Variants in DRD3 observed in about 807,000 individuals in gnomAD.
DRD3 encodes dopamine receptor D3, also known as D(3) dopamine receptor.
Under a neutral mutation model 36.3 loss-of-function variants are expected in DRD3, and 19 were observed. That is an observed-to-expected ratio of 0.52 (90% CI 0.36 to 0.77). The LOEUF is 0.77. DRD3 is among the 30% of genes least tolerant of loss of function. The probability of loss-of-function intolerance (pLI) is 0.00; values close to 1 mark genes in which losing one functional copy is unlikely to be tolerated. For synonymous variants in DRD3, 195 were observed against 203.7 expected (o/e 0.96, Z 0.36); for missense variants, 465 against 505.3 (o/e 0.92, Z 0.77).
chr3:114,159,310 A>G (rs72944682), intron 3 of DRD3, among the ~76,000 whole-genome samples: 5,302 of 151,058 alleles, frequency 0.035, 306 homozygotes, highest in African/African-American at 0.12. Context: ...AATTATCCCT[A>G]CACCTGCCCC....
chr3:114,133,381 T>A (rs1226268337), intron 5 of DRD3, among the ~76,000 whole-genome samples: 1 of 152,194 alleles, frequency 6.6e-6, no homozygotes, highest in Non-Finnish European at 1.5e-5. Context: ...CCAGTGGGGA[T>A]GTGTGAACGT....
chr3:114,138,168 C>CAAAA (rs35536800), intron 5 of DRD3, among the ~76,000 whole-genome samples: 11 of 74,102 alleles, frequency 1.5e-4, no homozygotes, highest in African/African-American at 5.7e-4. Context: ...GACTCTGTCT[C>CAAAA]AAAAAAAAAA....
At chr3:114,196,245 G>C (rs1207538828) in intron 1 of DRD3, among the ~76,000 whole-genome samples, 1 of 152,098 alleles carries the variant, frequency 6.6e-6, no homozygotes, top group East Asian at 1.9e-4. Flanking sequence ...AAATAAAGCA[G>C]CTATGAACAT....
chr3:114,167,311 G>T (rs2077795163), intron 2 of DRD3, among the ~76,000 whole-genome samples: 1 of 152,158 alleles, frequency 6.6e-6, no homozygotes, highest in East Asian at 1.9e-4. Flanking sequence ...ATCACAAAAG[G>T]TGCTTCACTG....
chr3:114,175,074 T>C (rs547807078), intron 1 of DRD3, among the ~76,000 whole-genome samples: 1 of 152,226 alleles, frequency 6.6e-6, no homozygotes, highest in African/African-American at 2.4e-5. Flanking sequence ...GTCCTGTGCA[T>C]TGTGGGGGGT....
In DRD3 at chr3:114,171,967, C is replaced by G; in HGVS notation, c.26G>C (p.Gly9Ala). ...TGCCCCACAGGTGTAGTTCAGGTGG[C>G]CACTCAGCTGGCTCAGAGATGCCAT... MASLSQLSGHLNYTCGAEN... is the reference protein window; with the variant it reads MASLSQLSAHLNYTCGAEN... Residue 9 changes from glycine to alanine, a missense_variant, in exon 2 of 7, where the codon GGC becomes GCC. By Grantham distance (60) the Gly-to-Ala change is moderately conservative. Transcript: ENST00000383673. 6.6e-7 allele frequency: 1 copy of G among 1,522,252 alleles called. No individual in the cohort carries two copies. The highest frequency in any genetic ancestry group is 2.0e-5 in the Admixed American group (1 of 48,886). 94.3% of individuals were successfully genotyped at this position (1,522,252 alleles called of 1,614,324 possible).
At chr3:114,151,843 C>A (rs1370188847) in intron 3 of DRD3, among the ~76,000 whole-genome samples, 1 of 152,222 alleles carries the variant, frequency 6.6e-6, no homozygotes, top group Non-Finnish European at 1.5e-5. Context: ...TCTCTGAGTT[C>A]TTGTGGGGGA....
At chr3:114,137,015 C>T (rs1439095114) in intron 5 of DRD3, among the ~76,000 whole-genome samples, 5 of 152,228 alleles carry the variant, frequency 3.3e-5, no homozygotes, top group Non-Finnish European at 1.5e-5. Context: ...GTCATTGGCT[C>T]CAGTCACTAA....
rs1327210769 is a variant in DRD3 at position 114,128,273 on chromosome 3, A to G, written c.*443T>C. ...TGACCAAGAGGAATGGGCCCGTAAA[A>G]GTACAAGGTTAGCCTGACAGTTAAT... is the stretch of plus-strand genomic sequence containing the variant. On this transcript the variant is annotated 3_prime_UTR_variant, in exon 7 of 7. Transcript: ENST00000383673. Among the ~76,000 whole-genome samples, 1 of 152,232 alleles carries G rather than the reference A, an allele frequency of 6.6e-6. No individual in the cohort carries two copies. The highest frequency in any genetic ancestry group is 2.4e-5 in the African/African-American group (1 of 41,464).
At chr3:114,145,560 G>A (rs982695581) in intron 4 of DRD3, among the ~76,000 whole-genome samples, 2 of 152,140 alleles carry the variant, frequency 1.3e-5, no homozygotes, top group Admixed American at 1.3e-4. Flanking sequence ...TTGAGTAGGC[G>A]GTACGTGCTT....
intron 3 of DRD3, among the ~76,000 whole-genome samples, chr3:114,156,749 TTCTTTCTTTCTTTCTTTC>T (rs2077674751): frequency 2.0e-5 from 2 of 100,062 alleles, no homozygotes; most frequent in Non-Finnish European, 4.1e-5. Context: ...TTCTTTTTCT[TTCTTTCTTTCTTTCTTTC>T]TTTCTTTCTT....
chr3:114,163,814 C>A (rs781637301), intron 2 of DRD3, among the ~76,000 whole-genome samples: 3 of 151,748 alleles, frequency 2.0e-5, no homozygotes, highest in African/African-American at 7.3e-5. Flanking sequence ...ACTGAGGGCC[C>A]GGGAGATAAG....
intron 1 of DRD3, among the ~76,000 whole-genome samples, chr3:114,184,315 A>G (rs2077963422): frequency 1.3e-5 from 2 of 152,200 alleles, no homozygotes; most frequent in African/African-American, 2.4e-5. Context: ...GTGTAACACC[A>G]AACATAAACT....
chr3:114,193,173 G>A (rs1429052673), intron 1 of DRD3, among the ~76,000 whole-genome samples: 1 of 152,140 alleles, frequency 6.6e-6, no homozygotes, highest in African/African-American at 2.4e-5. Context: ...CAGCTACTTG[G>A]GAGGCTGAGG....
At chr3:114,176,609 TA>T (rs1021371007) in intron 1 of DRD3, among the ~76,000 whole-genome samples, 3 of 150,556 alleles carry the variant, frequency 2.0e-5, no homozygotes, top group Non-Finnish European at 4.4e-5. Context: ...TGTCTCAAAG[TA>T]AAAAAAAACC....
intron 1 of DRD3, 51 bp from the exon 2 acceptor site, chr3:114,172,078 G>T (rs1432393031): frequency 7.7e-7 from 1 of 1,301,786 alleles, no homozygotes; most frequent in Non-Finnish European, 9.9e-7. Context: ...TTTGGGGCTT[G>T]GTTGCTTAGT....
At chr3:114,196,986 C>CTT (rs541199651) in intron 1 of DRD3, among the ~76,000 whole-genome samples, 2 of 142,784 alleles carry the variant, frequency 1.4e-5, no homozygotes, top group African/African-American at 2.6e-5. Flanking sequence ...TTCTTTTTTT[C>CTT]TTTTTTTTTT....
At chr3:114,159,310 A>C (rs72944682) in intron 3 of DRD3, among the ~76,000 whole-genome samples, 1 of 150,954 alleles carries the variant, frequency 6.6e-6, no homozygotes, top group South Asian at 2.1e-4. Flanking sequence ...AATTATCCCT[A>C]CACCTGCCCC....
At chr3:114,150,654 A>G (rs751840229) in intron 3 of DRD3, among the ~76,000 whole-genome samples, 5 of 152,334 alleles carry the variant, frequency 3.3e-5, no homozygotes, top group African/African-American at 7.2e-5. Context: ...AGCTGGATCT[A>G]CCAATGGCTC....
Sources: allele counts gnomAD v4.1 joint callset (sites outside exome capture counted in the v4.1 genomes callset), GRCh38; gene constraint gnomAD v4.1.1; transcripts MANE v1.5; gene names NCBI Gene and HGNC (gene_info 2026-07-23, HGNC 2026-07-21).